Variants in CCSER1 observed in about 807,000 individuals in gnomAD.
CCSER1 encodes serine-rich coiled-coil domain-containing protein 1.
In CCSER1, 41 loss-of-function variants were observed where a neutral mutation model predicts 82.0. The ratio of observed to expected loss-of-function variants is 0.50; its 90% CI spans 0.39 to 0.65. The LOEUF (loss-of-function observed/expected upper bound fraction) is 0.65. Ranked by LOEUF, CCSER1 falls within the 30% of genes least tolerant of loss-of-function variation. The pLI is 0.00. For synonymous variants in CCSER1, 414 were observed against 383.9 expected (o/e 1.08, Z -0.92); for missense variants, 1,119 against 1,064.2 (o/e 1.05, Z -0.72).
At chr4:90,407,678 A>G (rs1753936971) in intron 4 of CCSER1, among the ~76,000 whole-genome samples, 1 of 152,196 alleles carries the variant, frequency 6.6e-6, no homozygotes, top group Non-Finnish European at 1.5e-5. Context: ...CCGAATAGGA[A>G]CAGCTGCAGT....
intron 9 of CCSER1, among the ~76,000 whole-genome samples, chr4:90,971,400 AC>A (rs1735097018): frequency 6.6e-6 from 1 of 151,848 alleles, no homozygotes; most frequent in African/African-American, 2.4e-5. Flanking sequence ...GGAGAAATCC[AC>A]CCCCATGGTC....
chr4:90,984,649 G>A (rs1473846823), intron 9 of CCSER1, among the ~76,000 whole-genome samples: 2 of 151,666 alleles, frequency 1.3e-5, no homozygotes, highest in African/African-American at 4.8e-5. Flanking sequence ...ATGGAGTGGT[G>A]TCAAATTAGC....
chr4:90,370,713 GATT>G (rs138137587), intron 3 of CCSER1, among the ~76,000 whole-genome samples: 42 of 152,028 alleles, frequency 2.8e-4, no homozygotes, highest in African/African-American at 9.9e-4. Context: ...AAGCTTTTTA[GATT>G]ATTTTTTGTA....
At chr4:91,137,387 A>T (rs1728585736) in intron 10 of CCSER1, among the ~76,000 whole-genome samples, 1 of 66,774 alleles carries the variant, frequency 1.5e-5, no homozygotes, top group African/African-American at 4.6e-5. Flanking sequence ...TATATGTGCC[A>T]CATTTTCTTA....
chr4:90,639,150 C>T (rs1310342650), intron 6 of CCSER1, among the ~76,000 whole-genome samples: 1 of 151,162 alleles, frequency 6.6e-6, no homozygotes, highest in Admixed American at 6.6e-5. Context: ...TTCTTAAACA[C>T]TTAAAAATAT....
At chr4:90,642,996 A>C (rs1367874664) in intron 6 of CCSER1, among the ~76,000 whole-genome samples, 1 of 152,164 alleles carries the variant, frequency 6.6e-6, no homozygotes. Context: ...ACGTGTGAAC[A>C]TAAGTAGACC....
intron 5 of CCSER1, among the ~76,000 whole-genome samples, chr4:90,559,126 C>G (rs1778437353): frequency 6.6e-6 from 1 of 152,134 alleles, no homozygotes; most frequent in African/African-American, 2.4e-5. Flanking sequence ...TGTATAAATG[C>G]CACTATCTGA....
intron 10 of CCSER1, among the ~76,000 whole-genome samples, chr4:91,419,132 A>G (rs911756280): frequency 1.2e-4 from 19 of 152,026 alleles, no homozygotes; most frequent in Non-Finnish European, 2.1e-4. Context: ...AACATACTCA[A>G]TAGTGAAAAG....
At chr4:90,422,986 T>C (rs1168075304) in intron 4 of CCSER1, among the ~76,000 whole-genome samples, 1 of 152,178 alleles carries the variant, frequency 6.6e-6, no homozygotes, top group African/African-American at 2.4e-5. Flanking sequence ...GAAGTCTCTT[T>C]TGTTTTCTCC....
Position 90,465,688 on chromosome 4 carries a change from A to G in CCSER1, c.1604-2546A>G, listed in dbSNP as rs553103815. On this transcript the variant is annotated intron_variant, in intron 4 of 10. Transcript: ENST00000509176. ...TGAACTGAATAAGTAATGCCTAGTTATCAATAATTGACAGAATTTGAAAGA... is the reference window on the plus strand; with the variant it reads ...TGAACTGAATAAGTAATGCCTAGTTGTCAATAATTGACAGAATTTGAAAGA... Among the ~76,000 whole-genome samples, 7 of 152,310 alleles carry G rather than the reference A, an allele frequency of 4.6e-5. No homozygotes were observed. In the East Asian group the frequency reaches 1.4e-3, roughly 29 times the overall value.
At chr4:90,510,070 A>T (rs1771275220) in intron 5 of CCSER1, among the ~76,000 whole-genome samples, 1 of 152,188 alleles carries the variant, frequency 6.6e-6, no homozygotes, top group South Asian at 2.1e-4. Flanking sequence ...TTCTCCTTAG[A>T]TGTGCTCATT....
At chr4:91,162,309 G>T (rs1302316318) in intron 10 of CCSER1, among the ~76,000 whole-genome samples, 1 of 152,182 alleles carries the variant, frequency 6.6e-6, no homozygotes, top group African/African-American at 2.4e-5. Context: ...TAAGCTTTTA[G>T]ATGTGCTGCC....
chr4:90,563,178 AT>A (rs1389825038), intron 5 of CCSER1, among the ~76,000 whole-genome samples: 6 of 151,906 alleles, frequency 3.9e-5, no homozygotes, highest in Non-Finnish European at 5.9e-5. Flanking sequence ...GTGGCACGAT[AT>A]CGGCTCACTG....
chr4:91,210,183 A>G (rs1736695467), intron 10 of CCSER1, among the ~76,000 whole-genome samples: 1 of 151,600 alleles, frequency 6.6e-6, no homozygotes, highest in African/African-American at 2.4e-5. Context: ...ACCTAAACAA[A>G]TGCTATTTAT....
intron 8 of CCSER1, among the ~76,000 whole-genome samples, chr4:90,876,595 C>G (rs1439397097): frequency 1.3e-5 from 2 of 152,096 alleles, no homozygotes; most frequent in African/African-American, 4.8e-5. Context: ...ATCATCATCT[C>G]TTAGTTCAGA....
At chr4:91,337,854 C>T (rs77482873) in intron 10 of CCSER1, among the ~76,000 whole-genome samples, 5,218 of 152,174 alleles carry the variant, frequency 0.034, 280 homozygotes, top group African/African-American at 0.12. Flanking sequence ...ACAATCAGGA[C>T]ACTTTAAAGA....
chr4:90,860,997 G>T (rs1223389964), intron 8 of CCSER1, among the ~76,000 whole-genome samples: 1 of 151,426 alleles, frequency 6.6e-6, no homozygotes, highest in Admixed American at 6.6e-5. Context: ...CTTTGAAAGG[G>T]TAAATTTTAT....
intron 10 of CCSER1, among the ~76,000 whole-genome samples, chr4:91,202,272 G>A (rs1735962280): frequency 6.6e-6 from 1 of 151,888 alleles, no homozygotes; most frequent in Admixed American, 6.6e-5. Flanking sequence ...GCTGGGCTGA[G>A]GGATTGCCCC....
At chr4:91,451,542 C>T (rs1057461420) in intron 10 of CCSER1, among the ~76,000 whole-genome samples, 4 of 151,650 alleles carry the variant, frequency 2.6e-5, no homozygotes, top group Non-Finnish European at 5.9e-5. Flanking sequence ...AGGAGAATAA[C>T]CAATCAATAG....
Sources: allele counts gnomAD v4.1 joint callset (sites outside exome capture counted in the v4.1 genomes callset), GRCh38; gene constraint gnomAD v4.1.1; transcripts MANE v1.5; gene names NCBI Gene and HGNC (gene_info 2026-07-23, HGNC 2026-07-21).